The following CMKLR1 variants were observed in gnomAD, a reference collection of about 807,000 sequenced individuals.
CMKLR1 encodes chemerin-like receptor 1.
CMKLR1 carries 6 observed loss-of-function variants against 8.2 expected under a neutral mutation model. That is an observed-to-expected ratio of 0.73 (90% CI 0.40 to 1.44). The LOEUF (loss-of-function observed/expected upper bound fraction) is 1.44. Among genes scored for constraint, CMKLR1 ranks in the 40% most tolerant of loss-of-function variants. The pLI, the probability that CMKLR1 is intolerant of heterozygous loss-of-function variation, is 0.02. For synonymous variants in CMKLR1, 178 were observed against 181.2 expected (o/e 0.98, Z 0.14); for missense variants, 429 against 478.0 (o/e 0.90, Z 0.96).
rs183442423 is a variant in CMKLR1 at position 108,289,194 on chromosome 12, G to T, written c.*2647C>A. 2 of 152,258 alleles carry T rather than the reference G, an allele frequency of 1.3e-5. No homozygotes were observed. Among genetic ancestry groups the T allele is most frequent in the Admixed American group, 1.3e-4 (2 of 15,274 alleles). 9.4% of individuals were successfully genotyped at this position (152,258 alleles called of 1,614,324 possible). On this transcript the variant is annotated 3_prime_UTR_variant, in exon 4 of 4. Coordinates refer to ENST00000550402, the MANE Select transcript of CMKLR1 (RefSeq NM_001142343.2). ...TCAGCTCCCCCACCCCACCCAGGAG[G>T]CAGGGCTAAGTAAGGCCCCATCACT... is the stretch of plus-strand genomic sequence containing the variant.
intron 1 of CMKLR1, among the ~76,000 whole-genome samples, chr12:108,337,688 T>A (rs1171604605): frequency 6.6e-6 from 1 of 152,138 alleles, no homozygotes; most frequent in Non-Finnish European, 1.5e-5. Flanking sequence ...GGTTATCTGT[T>A]CCCTGAAGTT....
intron 1 of CMKLR1, among the ~76,000 whole-genome samples, chr12:108,331,266 A>G (rs910013471): frequency 6.6e-6 from 1 of 152,160 alleles, no homozygotes; most frequent in Non-Finnish European, 1.5e-5. Context: ...CATTTCACAG[A>G]TGGGAGAACC....
intron 1 of CMKLR1, among the ~76,000 whole-genome samples, chr12:108,331,067 G>A (rs553983642): frequency 6.6e-6 from 1 of 152,300 alleles, no homozygotes; most frequent in African/African-American, 2.4e-5. Context: ...TCCCTAGCAT[G>A]GGGCAGAGAC....
chr12:108,320,030 TG>T (rs1006806443), intron 2 of CMKLR1, among the ~76,000 whole-genome samples: 1 of 151,794 alleles, frequency 6.6e-6, no homozygotes, highest in Non-Finnish European at 1.5e-5. Flanking sequence ...AGCCCAGGGC[TG>T]GGGGACCTGT....
intron 2 of CMKLR1, among the ~76,000 whole-genome samples, chr12:108,301,692 G>C (rs536311042): frequency 1.3e-5 from 2 of 152,342 alleles, no homozygotes; most frequent in South Asian, 4.1e-4. Context: ...TGCAAAGGGG[G>C]TGTATCCTTC....
chr12:108,332,651 A>T (rs1449885012), intron 1 of CMKLR1, among the ~76,000 whole-genome samples: 1 of 152,096 alleles, frequency 6.6e-6, no homozygotes, highest in Non-Finnish European at 1.5e-5. Context: ...TCGGATTCCA[A>T]GTTCTCCAGT....
intron 1 of CMKLR1, among the ~76,000 whole-genome samples, chr12:108,333,516 A>G (rs1892153822): frequency 6.6e-6 from 1 of 152,210 alleles, no homozygotes; most frequent in Non-Finnish European, 1.5e-5. Flanking sequence ...CTGTCCCAAA[A>G]ATAAAAATAG....
chr12:108,301,342 C>T (rs1891266179), intron 2 of CMKLR1, among the ~76,000 whole-genome samples: 1 of 152,016 alleles, frequency 6.6e-6, no homozygotes, highest in South Asian at 2.1e-4. Flanking sequence ...TCCCAAAGTG[C>T]TGAGATAACA....
chr12:108,297,652 C>T (rs926224333), intron 2 of CMKLR1, among the ~76,000 whole-genome samples: 11 of 152,226 alleles, frequency 7.2e-5, no homozygotes, highest in Non-Finnish European at 1.5e-4. Context: ...CCTGAGGCCA[C>T]ACAGCAGGGA....
chr12:108,333,304 G>A (rs576912431), intron 1 of CMKLR1, among the ~76,000 whole-genome samples: 3 of 152,258 alleles, frequency 2.0e-5, no homozygotes, highest in South Asian at 2.1e-4. Flanking sequence ...TGAGTCAGCC[G>A]CTGGTACTTC....
chr12:108,325,396 G>A (rs1270042757), intron 2 of CMKLR1, among the ~76,000 whole-genome samples: 1 of 152,170 alleles, frequency 6.6e-6, no homozygotes, highest in Non-Finnish European at 1.5e-5. Context: ...AAATAGCTCA[G>A]GCTGTACACT....
chr12:108,305,477 G>T (rs1891384021), intron 2 of CMKLR1, among the ~76,000 whole-genome samples: 1 of 152,282 alleles, frequency 6.6e-6, no homozygotes, highest in Non-Finnish European at 1.5e-5. Flanking sequence ...CCCCTGGCCT[G>T]GACGACTGTA....
intron 2 of CMKLR1, among the ~76,000 whole-genome samples, chr12:108,316,313 C>T (rs1891728681): frequency 6.6e-6 from 1 of 151,972 alleles, no homozygotes; most frequent in South Asian, 2.1e-4. Flanking sequence ...GATAGGTGAT[C>T]TTAGGAGGGA....
chr12:108,332,112 C>T (rs1326299474), intron 1 of CMKLR1, among the ~76,000 whole-genome samples: 2 of 152,154 alleles, frequency 1.3e-5, no homozygotes, highest in Non-Finnish European at 2.9e-5. Flanking sequence ...TATTCCCCAC[C>T]CCAAGTCATT....
intron 2 of CMKLR1, among the ~76,000 whole-genome samples, chr12:108,323,542 G>A (rs1447028423): frequency 2.0e-5 from 3 of 152,198 alleles, no homozygotes. Context: ...AATGAACAAG[G>A]TGCAGTGGAG....
intron 1 of CMKLR1, among the ~76,000 whole-genome samples, chr12:108,334,430 C>T (rs79553725): frequency 0.025 from 3,865 of 152,336 alleles, 453 homozygotes; most frequent in Admixed American, 0.2. Flanking sequence ...ACACAACACC[C>T]TCATGCACTG....
At chr12:108,302,612 T>C (rs940194937) in intron 2 of CMKLR1, among the ~76,000 whole-genome samples, 4 of 152,146 alleles carry the variant, frequency 2.6e-5, no homozygotes, top group Non-Finnish European at 4.4e-5. Flanking sequence ...AGTATTTGCA[T>C]GCCTCCGCCC....
Position 108,291,165 on chromosome 12 carries a change from C to G in CMKLR1, c.*676G>C, listed in dbSNP as rs571670886. On this transcript the variant is annotated 3_prime_UTR_variant, in exon 4 of 4. Coordinates refer to ENST00000550402, the MANE Select transcript of CMKLR1 (RefSeq NM_001142343.2). ...AAGGTTCTTTTCTCCTTTCTCATTT[C>G]TTTGCCAAATCTCAAGTCCTCGTTG... 1 of 152,454 alleles carries G rather than the reference C, an allele frequency of 6.6e-6. No homozygotes were observed. Among genetic ancestry groups the G allele is most frequent in the Admixed American group, 6.5e-5 (1 of 15,294 alleles). The allele number at this position is 152,454 out of a possible 1,614,324, so 9.4% of individuals were successfully genotyped here. A position where few individuals can be genotyped will look rare whatever the true frequency, so the allele number is the denominator to read the frequency against.
intron 2 of CMKLR1, among the ~76,000 whole-genome samples, chr12:108,313,822 G>C (rs780531303): frequency 2.0e-4 from 31 of 152,218 alleles, no homozygotes; most frequent in Non-Finnish European, 3.7e-4. Flanking sequence ...TCATTGGAAA[G>C]CTCTTCCTTT....
Sources: gnomAD v4.1 joint callset for allele counts (sites outside exome capture counted in the v4.1 genomes callset) on GRCh38, gnomAD v4.1.1 for gene constraint, MANE v1.5 for transcripts, NCBI Gene and HGNC (gene_info 2026-07-23, HGNC 2026-07-21) for gene names.